Variants in OTOF observed in about 807,000 individuals in gnomAD.
The protein encoded by OTOF is otoferlin.
In OTOF, 218 loss-of-function variants were observed where a neutral mutation model predicts 236.8. The observed-to-expected ratio is 0.92, with a 90% CI of 0.82 to 1.03. The LOEUF (loss-of-function observed/expected upper bound fraction) is 1.03, where lower values mean the gene tolerates loss of function less well. Ranked by LOEUF, OTOF falls within the 50% of genes least tolerant of loss-of-function variation. The probability of loss-of-function intolerance (pLI) is 0.00; values close to 1 mark genes in which losing one functional copy is unlikely to be tolerated. For missense variants in OTOF, 2,590 were observed against 2,694.4 expected, an observed-to-expected ratio of 0.96 and a Z score of 0.86; for synonymous variants, 1,041 against 1,072.5, an observed-to-expected ratio of 0.97 and a Z score of 0.57.
chr2:26,459,229 C>A (rs1219625958), intron 46 of OTOF, among the ~76,000 whole-genome samples: 1 of 152,206 alleles, frequency 6.6e-6, no homozygotes, highest in Non-Finnish European at 1.5e-5. Context: ...TTTCCCTGTC[C>A]ATAGCTCAGC....
chr2:26,482,402 T>C lies in OTOF; in HGVS notation c.1579+4A>G. The C allele has an allele frequency of 6.2e-7, 1 of 1,613,046 alleles. No homozygotes were observed. The highest frequency in any genetic ancestry group is 1.1e-5 in the South Asian group (1 of 91,080). Reference sequence around the variant, plus strand: ...CCCAGCACACCGGGTCTCCCGCTGCTGACCTTTGTCTCCGTCATTAGAAAT... The same window carrying C: ...CCCAGCACACCGGGTCTCCCGCTGCCGACCTTTGTCTCCGTCATTAGAAAT... On this transcript the variant is annotated splice_donor_region_variant and intron_variant, in intron 14 of 46. Transcript: ENST00000272371.
intron 1 of OTOF, among the ~76,000 whole-genome samples, chr2:26,550,315 C>G (rs920480283): frequency 6.6e-6 from 1 of 152,106 alleles, no homozygotes; most frequent in East Asian, 1.9e-4. Flanking sequence ...GAACTGTCAC[C>G]GAGAGAAATG....
At chr2:26,547,774 G>A (rs57666022) in intron 1 of OTOF, among the ~76,000 whole-genome samples, 10 of 152,342 alleles carry the variant, frequency 6.6e-5, no homozygotes, top group East Asian at 3.9e-4. Flanking sequence ...TGGGGAGACA[G>A]AGGTTGCAGT....
At chr2:26,468,616 C>A (rs1377675742) in intron 32 of OTOF, 142 bp from the exon 33 acceptor site, 4 of 752,798 alleles carry the variant, frequency 5.3e-6, no homozygotes, top group Admixed American at 1.9e-5. Context: ...ACCATGTGCT[C>A]TGCTTAAGTG....
chr2:26,476,806 T>C (rs1665319184), intron 22 of OTOF, 85 bp downstream of exon 22: 1 of 1,258,832 alleles, frequency 7.9e-7, no homozygotes, highest in African/African-American at 1.5e-5. Flanking sequence ...GGCCCCACCC[T>C]GTCACTCAGG....
chr2:26,460,954 G>C lies in OTOF; in HGVS notation c.5610C>G (p.Thr1870=), dbSNP rs141119917. ...ACACGAGGGGCACGTCCACCTCCCC[G>C]GTGGCCATCTCCATGGTGCACTGCT... The part of the protein sequence containing the change: ...TAKQCTMEMA[T]GEVDVPLVSI... Residue 1870 remains threonine, a synonymous_variant, in exon 44 of 47, where the codon ACC becomes ACG. Transcript: ENST00000272371. The surrounding 1 kb of genome is among the most constrained non-coding windows in gnomAD (Gnocchi z 5.3). 2 of 1,614,018 alleles carry C rather than the reference G, an allele frequency of 1.2e-6. No individual in the cohort carries two copies. The highest frequency in any genetic ancestry group is 4.5e-5 in the East Asian group (2 of 44,862).
chr2:26,519,286 T>G (rs1167806613), intron 3 of OTOF, among the ~76,000 whole-genome samples, 177 bp from the exon 4 acceptor site: 2 of 152,266 alleles, frequency 1.3e-5, no homozygotes, highest in East Asian at 3.9e-4. Flanking sequence ...GGGCAGCATG[T>G]CCCACTGTGG....
chr2:26,527,308 G>C (rs1237553384), intron 3 of OTOF, among the ~76,000 whole-genome samples: 1 of 152,178 alleles, frequency 6.6e-6, no homozygotes, highest in Non-Finnish European at 1.5e-5. Context: ...TTTCACACAT[G>C]AGCACATTGA....
At chr2:26,501,904 G>T in intron 7 of OTOF, 96 bp from the exon 8 acceptor site, 1 of 881,566 alleles carries the variant, frequency 1.1e-6, no homozygotes, top group Non-Finnish European at 1.9e-6. Context: ...TGGGCAGAGG[G>T]ACAGAATCAT....
intron 2 of OTOF, among the ~76,000 whole-genome samples, chr2:26,530,989 G>C (rs1666933431): frequency 6.6e-6 from 1 of 152,198 alleles, no homozygotes; most frequent in Non-Finnish European, 1.5e-5. Context: ...CTGTAAGAAG[G>C]AGACTTTTGG....
intron 1 of OTOF, among the ~76,000 whole-genome samples, chr2:26,556,388 G>A (rs1029527125): frequency 2.2e-4 from 33 of 152,136 alleles, no homozygotes; most frequent in African/African-American, 6.3e-4. Context: ...ACAGGTGAGC[G>A]GCTGAGGCAT....
intron 8 of OTOF, among the ~76,000 whole-genome samples, chr2:26,501,386 G>A (rs1009992955): frequency 6.6e-6 from 1 of 152,162 alleles, no homozygotes; most frequent in Admixed American, 6.5e-5. Context: ...TAAAAATCAT[G>A]CCAGGAAAAC....
rs1441323155 is a variant in OTOF, at chr2:26,457,899, C to T, written c.*339G>A. On this transcript the variant is annotated 3_prime_UTR_variant, in exon 47 of 47. Coordinates refer to ENST00000272371, the MANE Select transcript of OTOF (RefSeq NM_194248.3). The surrounding 1 kb of genome is among the most constrained non-coding windows in gnomAD (Gnocchi z 4.4). ...GGGCAGTGAGGACAGGCGGCCCCCG[C>T]AAGCAGGAGGCAGGCTCGGCCCAAG... is the stretch of plus-strand genomic sequence containing the variant. 7.0e-6 allele frequency: 6 copies of T among 856,198 alleles called. No homozygotes were observed. Among genetic ancestry groups the T allele is most frequent in the Non-Finnish European group, 1.1e-5 (6 of 545,578 alleles). 53.0% of individuals were successfully genotyped at this position (856,198 alleles called of 1,614,324 possible).
Position 26,480,877 on chromosome 2 carries a change from A to AGCAGGAGCCGGGCCCG in OTOF, c.1696_1711dup (p.Leu571ProfsTer19). ...GTCTACGATCTCCACAGCCAGGCCC[A>AGCAGGAGCCGGGCCCG]GCAGGAGCCGGGCCCGGAAGGACAC... is the stretch of plus-strand genomic sequence containing the variant. On this transcript the variant is annotated frameshift_variant, in exon 15 of 47. Coordinates refer to ENST00000272371, the MANE Select transcript of OTOF (RefSeq NM_194248.3). LOFTEE classifies it high-confidence loss of function. 1.2e-6 allele frequency: 2 copies of AGCAGGAGCCGGGCCCG among 1,612,930 alleles called. No individual in the cohort carries two copies. Among genetic ancestry groups the AGCAGGAGCCGGGCCCG allele is most frequent in the Non-Finnish European group, 1.7e-6 (2 of 1,179,942 alleles).
chr2:26,480,078 C>T (rs1162349462), intron 16 of OTOF, 125 bp downstream of exon 16: 2 of 721,894 alleles, frequency 2.8e-6, no homozygotes, highest in Non-Finnish European at 5.1e-6. Context: ...GGTCAACGTT[C>T]CCTACAAGAG....
At chr2:26,469,708 C>A (rs1175111281) in intron 32 of OTOF, among the ~76,000 whole-genome samples, 6 of 152,232 alleles carry the variant, frequency 3.9e-5, no homozygotes, top group African/African-American at 9.6e-5. Flanking sequence ...CCAGCCTAAC[C>A]CCCACTCTCT....
In OTOF at chr2:26,466,799, GC is replaced by G; in HGVS notation, c.4414del (p.Ala1472ProfsTer50). The G allele has an allele frequency of 6.2e-7, 1 of 1,614,226 alleles. No homozygotes were observed. Among genetic ancestry groups the G allele is most frequent in the South Asian group, 1.1e-5 (1 of 91,090 alleles). On this transcript the variant is annotated frameshift_variant, in exon 36 of 47. Transcript: ENST00000272371. LOFTEE classifies it high-confidence loss of function. ...VPLPEDVSRE[A>X]GYDSTYGMFQ... ...CATGCCGTAGGTGGAGTCGTAGCCGGCTTCCCGGGACACGTCCTCTGGGAGT... is the reference window on the plus strand; with the variant it reads ...CATGCCGTAGGTGGAGTCGTAGCCGGTTCCCGGGACACGTCCTCTGGGAGT...
chr2:26,551,152 G>C (rs550723711), intron 1 of OTOF, among the ~76,000 whole-genome samples: 1 of 152,160 alleles, frequency 6.6e-6, no homozygotes, highest in Non-Finnish European at 1.5e-5. Flanking sequence ...ACCACGCCCG[G>C]CTAATTTTTG....
chr2:26,526,992 T>C (rs1666822803), intron 3 of OTOF, among the ~76,000 whole-genome samples: 1 of 152,224 alleles, frequency 6.6e-6, no homozygotes, highest in Admixed American at 6.5e-5. Flanking sequence ...CTGGCTGTGA[T>C]TTTTTAACCC....
Sources: gnomAD v4.1 joint callset for allele counts (sites outside exome capture counted in the v4.1 genomes callset) on GRCh38, gnomAD v4.1.1 for gene constraint, Gnocchi (gnomAD v3.1) non-coding constraint, MANE v1.5 for transcripts, NCBI Gene and HGNC (gene_info 2026-07-23, HGNC 2026-07-21) for gene names.